Variants in ZFP3 observed in about 807,000 individuals in gnomAD.
ZFP3 encodes the protein ZFP3 zinc finger protein, also known as zinc finger protein 3 homolog.
Under a neutral mutation model 36.7 loss-of-function variants are expected in ZFP3, and 18 were observed. The ratio of observed to expected loss-of-function variants is 0.49; its 90% CI spans 0.34 to 0.73. ZFP3 has a LOEUF of 0.73. ZFP3 is among the 30% of genes least tolerant of loss of function. The pLI is 0.01. For missense variants in ZFP3, 495 were observed against 599.0 expected, an observed-to-expected ratio of 0.83 and a Z score of 1.81; for synonymous variants, 218 against 199.0, an observed-to-expected ratio of 1.10 and a Z score of -0.81.
intron 1 of ZFP3, among the ~76,000 whole-genome samples, chr17:5,082,876 G>A (rs569433557): frequency 6.6e-5 from 10 of 152,250 alleles, no homozygotes; most frequent in South Asian, 2.1e-4. Flanking sequence ...AGATTATGCC[G>A]TAATGTTTTA....
Position 5,093,507 on chromosome 17 carries a change from A to T in ZFP3, c.*494A>T. 6.0e-6 allele frequency: 1 copy of T among 167,752 alleles called. No homozygotes were observed. The highest frequency in any genetic ancestry group is 3.3e-3 in the Middle Eastern group (1 of 300). The allele number at this position is 167,752 out of a possible 1,614,324, so 10.4% of individuals were successfully genotyped here. ...CTTTCCTAAATTACTCTTCAGCAAAATTGTGGGAACAGGATTCCACCACCT... is the reference window on the plus strand; with the variant it reads ...CTTTCCTAAATTACTCTTCAGCAAATTTGTGGGAACAGGATTCCACCACCT... On this transcript the variant is annotated 3_prime_UTR_variant, in exon 2 of 2. Transcript: ENST00000318833.
chr17:5,090,132 A>G (rs1328928120), intron 1 of ZFP3, among the ~76,000 whole-genome samples: 2 of 152,264 alleles, frequency 1.3e-5, no homozygotes, highest in African/African-American at 4.8e-5. Flanking sequence ...TGATGAACAT[A>G]AAAACAACAT....
intron 1 of ZFP3, among the ~76,000 whole-genome samples, chr17:5,085,587 C>G (rs992891377): frequency 6.6e-6 from 1 of 152,076 alleles, no homozygotes; most frequent in Non-Finnish European, 1.5e-5. Context: ...CCAGGATGGT[C>G]TTGATCTCCT....
rs886448321 is a variant in ZFP3, at chr17:5,092,243, C to A, written c.739C>A (p.His247Asn). 3 of 1,613,992 alleles carry A rather than the reference C, an allele frequency of 1.9e-6. No homozygotes were observed. The African/African-American group carries it at 4.0e-5, about 22-fold the overall frequency. Residue 247 changes from histidine (H) to asparagine (N), a missense_variant, in exon 2 of 2, where the codon CAT becomes AAT. By Grantham distance (68) the His-to-Asn change is moderately conservative (BLOSUM62 1). Transcript: ENST00000318833. The surrounding 1 kb of genome is among the most constrained non-coding windows in gnomAD (Gnocchi z 5.0). Reference protein sequence around the residue: ...NSALILHQRIHTGEKPYECNE... With the variant: ...NSALILHQRINTGEKPYECNE... ...AGCCCTTATTCTACACCAGAGAATC[C>A]ATACTGGAGAGAAACCATATGAATG... is the stretch of plus-strand genomic sequence containing the variant.
At chr17:5,089,561 A>T (rs1003580131) in intron 1 of ZFP3, among the ~76,000 whole-genome samples, 1 of 152,224 alleles carries the variant, frequency 6.6e-6, no homozygotes, top group African/African-American at 2.4e-5. Context: ...TTATTCTGTT[A>T]TAAGGCAATG....
In ZFP3 at chr17:5,091,820, G is replaced by A; in HGVS notation, c.316G>A (p.Gly106Arg). 6.2e-7 allele frequency: 1 copy of A among 1,614,192 alleles called. No homozygotes were observed. Among genetic ancestry groups the A allele is most frequent in the East Asian group, 2.2e-5 (1 of 44,880 alleles). ...CAGCCCAAATCTGGTTACACATCAGGGAGATACAACAGAGGGAGTTAGTGC... is the reference window on the plus strand; with the variant it reads ...CAGCCCAAATCTGGTTACACATCAGAGAGATACAACAGAGGGAGTTAGTGC... ...SPSPNLVTHQ[G>R]DTTEGVSAFA... The change falls in exon 2 of 2, where the codon GGA becomes AGA. Residue 106 changes from glycine to arginine, a missense_variant. By Grantham distance (125) the Gly-to-Arg change is moderately radical (BLOSUM62 -2). Around this residue, in one of 3 missense-constraint regions of ZFP3, gnomAD observed 229 missense variants for 233.8 expected, o/e 0.98. Transcript: ENST00000318833.
chr17:5,092,554 A>T lies in ZFP3; in HGVS notation c.1050A>T (p.Ser350=), dbSNP rs749517049. The T allele has an allele frequency of 3.1e-6, 5 of 1,614,082 alleles. No individual in the cohort carries two copies. The highest frequency in any genetic ancestry group is 4.2e-6 in the Non-Finnish European group (5 of 1,180,040). Residue 350 remains serine (S), a synonymous_variant, in exon 2 of 2, where the codon TCA becomes TCT. Coordinates refer to ENST00000318833, the MANE Select transcript of ZFP3 (RefSeq NM_153018.3). This position sits in a 1 kb window ranked among gnomAD's most constrained non-coding sequence, Gnocchi z 5.0. ...NECGKTFGQN[S]EIIRHIRIHT... is the part of the protein sequence containing the mutation. ...GTGGGAAAACTTTTGGCCAGAACTC[A>T]GAGATTATTAGACATATTAGAATTC...
At position 5,094,886 on chromosome 17, in the gene ZFP3, C is replaced by A. The variant is rs2072172144; in HGVS notation, c.*1873C>A. 1 of 166,946 alleles carries A rather than the reference C, an allele frequency of 6.0e-6. No individual in the cohort carries two copies. The highest frequency in any genetic ancestry group is 2.4e-5 in the African/African-American group (1 of 41,386). 10.3% of individuals were successfully genotyped at this position (166,946 alleles called of 1,614,324 possible). On this transcript the variant is annotated 3_prime_UTR_variant, in exon 2 of 2. Coordinates refer to ENST00000318833, the MANE Select transcript of ZFP3 (RefSeq NM_153018.3). Reference sequence around the variant, plus strand: ...TTTTTAATTTACATAGTGGTGCAACCATCAATGATGTGGGTATTCTTACCC... The same window carrying A: ...TTTTTAATTTACATAGTGGTGCAACAATCAATGATGTGGGTATTCTTACCC...
Position 5,092,603 on chromosome 17 carries a change from T to G in ZFP3, c.1099T>G (p.Cys367Gly). Residue 367 changes from cysteine to glycine, a missense_variant, in exon 2 of 2, where the codon TGT becomes GGT. Physicochemically the swap from Cys to Gly is radical, Grantham distance 159. Around this residue, in one of 3 missense-constraint regions of ZFP3, gnomAD observed 163 missense variants for 178.4 expected, o/e 0.91. Transcript: ENST00000318833. This position sits in a 1 kb window ranked among gnomAD's most constrained non-coding sequence, Gnocchi z 5.0. ...TCATACTGGTGAGAAGCCCTATGTA[T>G]GTAAGGAATGTGGGAAGGCCTTCAG... ...RIHTGEKPYV[C>G]KECGKAFRGN... 1 of 1,614,150 alleles carries G rather than the reference T, an allele frequency of 6.2e-7. No homozygotes were observed. Among genetic ancestry groups the G allele is most frequent in the Non-Finnish European group, 8.5e-7 (1 of 1,180,018 alleles).
At chr17:5,087,042 C>T (rs953947999) in intron 1 of ZFP3, among the ~76,000 whole-genome samples, 41 of 146,516 alleles carry the variant, frequency 2.8e-4, no homozygotes, top group Admixed American at 6.9e-4. Flanking sequence ...TAGACATTTT[C>T]TAATTCTTAT....
chr17:5,085,374 G>GT (rs1393419406), intron 1 of ZFP3, among the ~76,000 whole-genome samples: 2,503 of 138,864 alleles, frequency 0.018, 55 homozygotes, highest in African/African-American at 0.055. Context: ...TTTGAGTTTT[G>GT]TTTTTTTTTT....
intron 1 of ZFP3, among the ~76,000 whole-genome samples, chr17:5,088,919 T>C (rs1240252171): frequency 6.6e-6 from 1 of 152,210 alleles, no homozygotes; most frequent in East Asian, 1.9e-4. Flanking sequence ...AGAATCACCT[T>C]CCACAGTGAA....
rs2072167833 is a variant in ZFP3, at chr17:5,094,327, C to T, written c.*1314C>T. The stretch of plus-strand genomic sequence containing the variant: ...TCAACTTCCCAAAGTATTGAGATTA[C>T]AGGTGTGAGCTACCATGCCCGGCCT... On this transcript the variant is annotated 3_prime_UTR_variant, in exon 2 of 2. Transcript: ENST00000318833. 1 of 167,090 alleles carries T rather than the reference C, an allele frequency of 6.0e-6. No homozygotes were observed. The highest frequency in any genetic ancestry group is 2.1e-4 in the South Asian group (1 of 4,838). 10.4% of individuals were successfully genotyped at this position (167,090 alleles called of 1,614,324 possible).
rs1037007318 is a variant in ZFP3, at chr17:5,093,282, G to A, written c.*269G>A. The A allele has an allele frequency of 5.5e-6, 2 of 363,384 alleles. No homozygotes were observed. The highest frequency in any genetic ancestry group is 4.6e-5 in the East Asian group (1 of 21,550). 22.5% of individuals were successfully genotyped at this position (363,384 alleles called of 1,614,324 possible). A position where few individuals can be genotyped will look rare whatever the true frequency, so the allele number is the denominator to read the frequency against. Reference sequence around the variant, plus strand: ...TTCCTTGAACTCCTGGGCTCAAACAGTCCTCCTGCCTCAGCCTTCCAAATA... The same window carrying A: ...TTCCTTGAACTCCTGGGCTCAAACAATCCTCCTGCCTCAGCCTTCCAAATA... On this transcript the variant is annotated 3_prime_UTR_variant, in exon 2 of 2. Coordinates refer to ENST00000318833, the MANE Select transcript of ZFP3 (RefSeq NM_153018.3).
chr17:5,085,106 C>T (rs1400287862), intron 1 of ZFP3, among the ~76,000 whole-genome samples: 2 of 152,136 alleles, frequency 1.3e-5, no homozygotes, highest in Non-Finnish European at 2.9e-5. Context: ...GTGGAGTGAT[C>T]TTGGCTCACT....
At chr17:5,089,662 C>A (rs112625518) in intron 1 of ZFP3, among the ~76,000 whole-genome samples, 2,238 of 152,086 alleles carry the variant, frequency 0.015, 55 homozygotes, top group African/African-American at 0.05. Flanking sequence ...TCCCACCCAC[C>A]CCTGCCCAAG....
chr17:5,091,809 T>A lies in ZFP3; in HGVS notation c.305T>A (p.Val102Asp). The A allele has an allele frequency of 6.2e-7, 1 of 1,614,138 alleles. No homozygotes were observed. The highest frequency in any genetic ancestry group is 8.5e-7 in the Non-Finnish European group (1 of 1,180,018). The change falls in exon 2 of 2, where the codon GTT (valine) becomes GAT (aspartate). Residue 102 changes from valine (V) to aspartate (D), a missense_variant. Val to Asp is a radical substitution (Grantham distance 152, BLOSUM62 -3). This residue lies in a region of ZFP3 where 229 missense variants were observed against 233.8 expected (regional missense o/e 0.98). Transcript: ENST00000318833. ...GGCTGCAGTCCCAGCCCAAATCTGG[T>A]TACACATCAGGGAGATACAACAGAG... ...ERGCSPSPNL[V>D]THQGDTTEGV... is the part of the protein sequence containing the mutation.
intron 1 of ZFP3, among the ~76,000 whole-genome samples, chr17:5,079,236 C>T (rs1057162466): frequency 1.3e-5 from 2 of 152,172 alleles, no homozygotes; most frequent in Non-Finnish European, 2.9e-5. Flanking sequence ...AAGAGTATTA[C>T]AGAGGCTGGG....
intron 1 of ZFP3, among the ~76,000 whole-genome samples, chr17:5,087,511 C>T (rs946306736): frequency 6.6e-5 from 10 of 152,084 alleles, no homozygotes; most frequent in African/African-American, 7.2e-5. Flanking sequence ...CCTTTATGAA[C>T]GGAGTCTGAA....
Sources: allele counts gnomAD v4.1 joint callset (sites outside exome capture counted in the v4.1 genomes callset), GRCh38; gene constraint gnomAD v4.1.1; regional missense constraint gnomAD v4.1.1; non-coding constraint Gnocchi (gnomAD v3.1); transcripts MANE v1.5; gene names NCBI Gene and HGNC (gene_info 2026-07-23, HGNC 2026-07-21).